The following FHOD3 variants were observed in gnomAD, a reference collection of about 807,000 sequenced individuals.
FHOD3 encodes the protein FH1/FH2 domain-containing protein 3.
Under a neutral mutation model 173.0 loss-of-function variants are expected in FHOD3, and 90 were observed. The observed-to-expected ratio is 0.52, with a 90% CI of 0.44 to 0.62. FHOD3 has a LOEUF of 0.62. FHOD3 is among the 20% of genes least tolerant of loss of function. The pLI is 0.00. For synonymous variants in FHOD3, 828 were observed against 823.0 expected (o/e 1.01, Z -0.10); for missense variants, 1,945 against 2,034.7 (o/e 0.96, Z 0.85).
chr18:36,525,151 T>G (rs1399600383), intron 5 of FHOD3, among the ~76,000 whole-genome samples: 3 of 151,990 alleles, frequency 2.0e-5, no homozygotes, highest in Non-Finnish European at 4.4e-5. Context: ...CATGATTAGG[T>G]TACATTGCAA....
At chr18:36,612,146 A>G in intron 9 of FHOD3, 51 bp downstream of exon 9, 1 of 1,584,194 alleles carries the variant, frequency 6.3e-7, no homozygotes, top group Non-Finnish European at 8.6e-7. Context: ...GCAATTGTCA[A>G]AGGCTGAGAT....
At chr18:36,745,453 G>C (rs947059962) in intron 23 of FHOD3, among the ~76,000 whole-genome samples, 1 of 152,140 alleles carries the variant, frequency 6.6e-6, no homozygotes, top group Non-Finnish European at 1.5e-5. Context: ...ACGGTGTCTT[G>C]CATGCCTCCC....
intron 3 of FHOD3, among the ~76,000 whole-genome samples, chr18:36,472,142 A>G (rs2053319625): frequency 6.7e-6 from 1 of 149,836 alleles, no homozygotes; most frequent in Admixed American, 6.6e-5. Context: ...TTAAATATAT[A>G]AGTTACTTGG....
chr18:36,547,979 G>A lies in FHOD3; in HGVS notation c.512-28472G>A, dbSNP rs150386900. Among the ~76,000 whole-genome samples, 983 of 152,306 alleles carry A rather than the reference G, an allele frequency of 6.5e-3. 13 individuals carry two copies. Among genetic ancestry groups the A allele is most frequent in the African/African-American group, 0.022 (934 of 41,574 alleles). ...AGGCCAAAGAAGCGGATTACCTGAG[G>A]TCAGGAGTTAGAGACCAGCCTGGCC... On this transcript the variant is annotated intron_variant, in intron 5 of 28. Coordinates refer to ENST00000590592, the MANE Select transcript of FHOD3 (RefSeq NM_001281740.3).
intron 1 of FHOD3, among the ~76,000 whole-genome samples, chr18:36,340,814 T>C (rs537768139): frequency 6.6e-6 from 1 of 152,154 alleles, no homozygotes; most frequent in South Asian, 2.1e-4. Flanking sequence ...TTTTTTTGTA[T>C]TTTTAGTAGA....
rs76125680 is a variant in FHOD3, at chr18:36,385,254, G to C, written c.337+12510G>C. 7.0e-3 allele frequency among the ~76,000 whole-genome samples: 1,060 copies of C among 152,312 alleles called. 6 individuals carry two copies. The highest frequency in any genetic ancestry group is 0.027 in the Middle Eastern group (8 of 294). On this transcript the variant is annotated intron_variant, in intron 3 of 28. Coordinates refer to ENST00000590592, the MANE Select transcript of FHOD3 (RefSeq NM_001281740.3). ...AAGCAGCCGACAGATTTGAAACTAGGTCAATAAATTTCTATTAAAATTTTA... is the reference window on the plus strand; with the variant it reads ...AAGCAGCCGACAGATTTGAAACTAGCTCAATAAATTTCTATTAAAATTTTA...
chr18:36,730,502 C>A, intron 19 of FHOD3, 144 bp from the exon 20 acceptor site: 2 of 739,836 alleles, frequency 2.7e-6, no homozygotes, highest in Non-Finnish European at 4.3e-6. Flanking sequence ...ACTTTCTGTG[C>A]TGAACAGTAG....
chr18:36,380,557 C>CTT (rs2047698961), intron 3 of FHOD3, among the ~76,000 whole-genome samples: 1 of 68,336 alleles, frequency 1.5e-5, no homozygotes, highest in African/African-American at 5.1e-5. Flanking sequence ...CTTTTGTTTT[C>CTT]TTTTCTTTTC....
chr18:36,763,319 G>A (rs1043231344), intron 27 of FHOD3, among the ~76,000 whole-genome samples: 11 of 129,852 alleles, frequency 8.5e-5, no homozygotes, highest in African/African-American at 3.2e-4. Context: ...TACAATATGC[G>A]TATTATACAC....
rs1372705349 is a variant in FHOD3, at chr18:36,740,856, G to A, written c.3759+18G>A. 3.1e-6 allele frequency: 5 copies of A among 1,600,136 alleles called. No homozygotes were observed. Among genetic ancestry groups the A allele is most frequent in the Admixed American group, 1.8e-5 (1 of 55,620 alleles). On this transcript the variant is annotated intron_variant, in intron 21 of 28. Coordinates refer to ENST00000590592, the MANE Select transcript of FHOD3 (RefSeq NM_001281740.3). ...CAGAAAAGGTAAGCTCTCTGTAAGA[G>A]AGGCCGCTGATCCCACATCCACAGT...
At chr18:36,514,673 ATAT>A (rs1242185503) in intron 5 of FHOD3, among the ~76,000 whole-genome samples, 1 of 152,210 alleles carries the variant, frequency 6.6e-6, no homozygotes, top group Non-Finnish European at 1.5e-5. Flanking sequence ...TAGAGAGCTA[ATAT>A]TATAACCATC....
chr18:36,625,834 G>C, intron 10 of FHOD3, 85 bp downstream of exon 10: 1 of 1,193,182 alleles, frequency 8.4e-7, no homozygotes, highest in East Asian at 2.7e-5. Context: ...TCCCCTCCCT[G>C]CTGGCCACTT....
rs568698305 is a variant in FHOD3 at position 36,402,902 on chromosome 18, G to A, written c.337+30158G>A. The stretch of plus-strand genomic sequence containing the variant: ...ATCTTTTGTTTCACATCTGCTGAGA[G>A]GCGTGTTTGCCTGAGCTGAAGCTGT... On this transcript the variant is annotated intron_variant, in intron 3 of 28. Transcript: ENST00000590592. Among the ~76,000 whole-genome samples, 7 of 152,348 alleles carry A rather than the reference G, an allele frequency of 4.6e-5. No homozygotes were observed. In the South Asian group the frequency reaches 1.4e-3, roughly 32 times the overall value.
chr18:36,644,783 G>C (rs1470735099), intron 10 of FHOD3, among the ~76,000 whole-genome samples: 1 of 152,208 alleles, frequency 6.6e-6, no homozygotes, highest in Non-Finnish European at 1.5e-5. Context: ...CCCCATGTAG[G>C]GATGAGTAAA....
chr18:36,440,307 C>T (rs144561058), intron 3 of FHOD3, among the ~76,000 whole-genome samples: 9 of 152,320 alleles, frequency 5.9e-5, no homozygotes, highest in South Asian at 2.1e-4. Flanking sequence ...CAGAAGCAGG[C>T]GCAGGGCACT....
rs545042170 is a variant in FHOD3 at position 36,671,892 on chromosome 18, G to GA, written c.1836-9542dup. ...TTCATTCACAAAACAGTGAAGGAACGAACCAATCATTTGTGACGATGTGCC... is the reference window on the plus strand; with the variant it reads ...TTCATTCACAAAACAGTGAAGGAACGAAACCAATCATTTGTGACGATGTGCC... On this transcript the variant is annotated intron_variant, in intron 14 of 28. Coordinates refer to ENST00000590592, the MANE Select transcript of FHOD3 (RefSeq NM_001281740.3). Among the ~76,000 whole-genome samples, 395 of 152,314 alleles carry GA rather than the reference G, an allele frequency of 2.6e-3. 1 individual carries two copies. The highest frequency in any genetic ancestry group is 2.5e-3 in the Non-Finnish European group (172 of 68,018).
chr18:36,653,049 G>C, intron 12 of FHOD3, 120 bp downstream of exon 12: 1 of 1,347,400 alleles, frequency 7.4e-7, no homozygotes, highest in Non-Finnish European at 9.8e-7. Context: ...GCCCAAGCAG[G>C]GAGCAGTTGT....
intron 3 of FHOD3, among the ~76,000 whole-genome samples, chr18:36,397,540 A>G (rs1289128784): frequency 6.6e-6 from 1 of 152,314 alleles, no homozygotes; most frequent in Middle Eastern, 3.4e-3. Context: ...TAGAGACCCC[A>G]TATGCTCTTC....
At chr18:36,660,500 G>A (rs2036716568) in intron 14 of FHOD3, among the ~76,000 whole-genome samples, 1 of 152,232 alleles carries the variant, frequency 6.6e-6, no homozygotes, top group Admixed American at 6.5e-5. Flanking sequence ...AGATGACCGT[G>A]CCCAACATGG....
Sources: allele counts gnomAD v4.1 joint callset (sites outside exome capture counted in the v4.1 genomes callset), GRCh38; gene constraint gnomAD v4.1.1; transcripts MANE v1.5; gene names NCBI Gene and HGNC (gene_info 2026-07-23, HGNC 2026-07-21).